HCN4: variants seen among roughly 807,000 people sequenced by gnomAD.
HCN4 encodes the protein potassium/sodium hyperpolarization-activated cyclic nucleotide-gated channel 4.
HCN4 carries 29 observed loss-of-function variants against 76.9 expected under a neutral mutation model. The ratio of observed to expected loss-of-function variants is 0.38; its 90% CI spans 0.28 to 0.51. The LOEUF (loss-of-function observed/expected upper bound fraction) is 0.51, where lower values mean the gene tolerates loss of function less well. HCN4 is among the 20% of genes least tolerant of loss of function. The probability of loss-of-function intolerance (pLI) is 0.90; values close to 1 mark genes in which losing one functional copy is unlikely to be tolerated. For missense variants in HCN4, 1,416 were observed against 1,715.2 expected, an observed-to-expected ratio of 0.83 and a Z score of 3.08; for synonymous variants, 772 against 762.5, an observed-to-expected ratio of 1.01 and a Z score of -0.21.
chr15:73,355,073 A>T lies in HCN4; in HGVS notation c.786-11265T>A, dbSNP rs114199076. Among the ~76,000 whole-genome samples, 257 of 152,314 alleles carry T rather than the reference A, an allele frequency of 1.7e-3. 1 individual carries two copies. The highest frequency in any genetic ancestry group is 0.01 in the Middle Eastern group (3 of 294). On this transcript the variant is annotated intron_variant, in intron 1 of 7. Coordinates refer to ENST00000261917, the MANE Select transcript of HCN4 (RefSeq NM_005477.3). ...TTCAGCCAGGCTTGCTCCAGAAAGG[A>T]GCAGGGGGCAGCATGCCCTGTTGGG...
At position 73,323,728 on chromosome 15, in the gene HCN4, T is replaced by C; in HGVS notation, c.2365A>G (p.Thr789Ala). The change falls in exon 8 of 8, where the codon ACT becomes GCT. Residue 789 changes from threonine to alanine, a missense_variant. This residue lies in a region of HCN4 where 633 missense variants were observed against 579.8 expected (regional missense o/e 1.09). Coordinates refer to ENST00000261917, the MANE Select transcript of HCN4 (RefSeq NM_005477.3). ...QAPLQAAAAT[T>A]SVAIALTHHP... Reference sequence around the variant, plus strand: ...TGGGTGAGGGCTATGGCCACAGAAGTGGTGGCAGCGGCAGCCTGCAGTGGT... The same window carrying C: ...TGGGTGAGGGCTATGGCCACAGAAGCGGTGGCAGCGGCAGCCTGCAGTGGT... 6.2e-7 allele frequency: 1 copy of C among 1,602,138 alleles called. No individual in the cohort carries two copies. Among genetic ancestry groups the C allele is most frequent in the Non-Finnish European group, 8.5e-7 (1 of 1,174,558 alleles).
At position 73,325,302 on chromosome 15, in the gene HCN4, C is replaced by T. The variant is rs765250418; in HGVS notation, c.1733G>A (p.Arg578Gln). 4.3e-6 allele frequency: 7 copies of T among 1,613,568 alleles called. No individual in the cohort carries two copies. Among genetic ancestry groups the T allele is most frequent in the East Asian group, 2.2e-5 (1 of 44,860 alleles). ...CCGGGCCGCCACACAGCTCACCTCC[C>T]GCAGGGGCTCGCTTAGCTCGCCCAG... is the stretch of plus-strand genomic sequence containing the variant. ...SILGELSEPL[R>Q]EEIINFNCRK... Residue 578 changes from arginine (R) to glutamine (Q), a missense_variant, in exon 5 of 8, where the codon CGG (arginine) becomes CAG (glutamine). Transcript: ENST00000261917. This position sits in a 1 kb window ranked among gnomAD's most constrained non-coding sequence, Gnocchi z 7.4.
intron 2 of HCN4, 145 bp from the exon 3 acceptor site, chr15:73,332,437 G>T (rs2042938901): frequency 2.5e-6 from 2 of 808,050 alleles, no homozygotes; most frequent in Non-Finnish European, 4.2e-6. Flanking sequence ...CAGGCTGGGG[G>T]TGGGATGGGA....
intron 1 of HCN4, among the ~76,000 whole-genome samples, chr15:73,348,872 C>T (rs974436772): frequency 2.6e-5 from 4 of 152,248 alleles, no homozygotes; most frequent in Admixed American, 2.6e-4. Flanking sequence ...TTCTTACCTG[C>T]CTGCAAAATG....
intron 1 of HCN4, among the ~76,000 whole-genome samples, chr15:73,352,590 A>G (rs1322372303): frequency 6.6e-6 from 1 of 152,184 alleles, no homozygotes; most frequent in Non-Finnish European, 1.5e-5. Context: ...CCTTGTGGCT[A>G]AAGACTGCCA....
At position 73,328,108 on chromosome 15, in the gene HCN4, C is replaced by T. The variant is rs519946; in HGVS notation, c.1590+1465G>A. ...TGGCTGCCTATGGTTAATTACATCACCACAGAGTGCCGAGTGTGGTGAAGG... is the reference window on the plus strand; with the variant it reads ...TGGCTGCCTATGGTTAATTACATCATCACAGAGTGCCGAGTGTGGTGAAGG... On this transcript the variant is annotated intron_variant, in intron 4 of 7. Transcript: ENST00000261917. This position sits in a 1 kb window ranked among gnomAD's most constrained non-coding sequence, Gnocchi z 4.0. Among the ~76,000 whole-genome samples the T allele has an allele frequency of 0.5, 75,491 of 151,726 alleles. 18,980 individuals carry two copies. Among genetic ancestry groups the T allele is most frequent in the East Asian group, 0.55 (2,784 of 5,084 alleles).
intron 1 of HCN4, among the ~76,000 whole-genome samples, chr15:73,350,497 C>A (rs2043051152): frequency 6.6e-6 from 1 of 152,184 alleles, no homozygotes; most frequent in Non-Finnish European, 1.5e-5. Context: ...GTAAACTTTC[C>A]TGCCCATTCC....
At chr15:73,332,713 G>A (rs981293185) in intron 2 of HCN4, among the ~76,000 whole-genome samples, 6 of 152,246 alleles carry the variant, frequency 3.9e-5, no homozygotes, top group Admixed American at 6.5e-5. Context: ...TGCCAGGGGC[G>A]TGTTTCCCTA....
intron 2 of HCN4, among the ~76,000 whole-genome samples, chr15:73,334,857 C>T (rs1196563223): frequency 1.3e-5 from 2 of 152,130 alleles, no homozygotes; most frequent in Admixed American, 6.5e-5. Flanking sequence ...ACCTTTGTGT[C>T]CCTCTCAAAT....
chr15:73,366,397 G>A (rs1595836785), intron 1 of HCN4, among the ~76,000 whole-genome samples: 1 of 152,178 alleles, frequency 6.6e-6, no homozygotes, highest in African/African-American at 2.4e-5. Context: ...AGGGAGATAA[G>A]TAGGCGGCAG....
intron 2 of HCN4, among the ~76,000 whole-genome samples, chr15:73,332,817 T>A (rs1009171415): frequency 2.0e-5 from 3 of 152,204 alleles, no homozygotes; most frequent in Admixed American, 6.5e-5. Flanking sequence ...CAGGCAGACC[T>A]TGATCCCAAG....
Position 73,323,616 on chromosome 15 carries a change from A to G in HCN4, c.2477T>C (p.Leu826Pro), listed in dbSNP as rs201997521. ...AGGGATCAGGGACTGCAGCCGTTTC[A>G]GGTGCCTTGGCGTCTGCCCGGCACC... ...NLGAGQTPRH[L>P]KRLQSLIPSA... The change falls in exon 8 of 8, where the codon CTG (leucine) becomes CCG (proline). Residue 826 changes from leucine (L) to proline (P), a missense_variant. Transcript: ENST00000261917. 6.2e-7 allele frequency: 1 copy of G among 1,601,098 alleles called. No homozygotes were observed. Among genetic ancestry groups the G allele is most frequent in the Non-Finnish European group, 8.5e-7 (1 of 1,177,976 alleles).
chr15:73,355,634 T>C (rs1045919718), intron 1 of HCN4, among the ~76,000 whole-genome samples: 11 of 152,284 alleles, frequency 7.2e-5, no homozygotes, highest in African/African-American at 2.6e-4. Flanking sequence ...AACAGCACAG[T>C]GAGAACAGGC....
chr15:73,325,566 G>T lies in HCN4; in HGVS notation c.1591-122C>A. ...CCGGGGGATTTCCTGGCTAAACTTGGTTCCTTGAGATCTGAGGTCTACAGT... is the reference window on the plus strand; with the variant it reads ...CCGGGGGATTTCCTGGCTAAACTTGTTTCCTTGAGATCTGAGGTCTACAGT... On this transcript the variant is annotated intron_variant, in intron 4 of 7. Coordinates refer to ENST00000261917, the MANE Select transcript of HCN4 (RefSeq NM_005477.3). This position sits in a 1 kb window ranked among gnomAD's most constrained non-coding sequence, Gnocchi z 7.4. 1 of 1,003,468 alleles carries T rather than the reference G, an allele frequency of 1.0e-6. No individual in the cohort carries two copies. The allele number at this position is 1,003,468 out of a possible 1,614,324, so 62.2% of individuals were successfully genotyped here.
At position 73,323,046 on chromosome 15, in the gene HCN4, G is replaced by A. The variant is rs761909019; in HGVS notation, c.3047C>T (p.Pro1016Leu). ...ACCTCCTCGGGGAGTAAAGCCTACA[G>A]GGGAAGCCCCCCCAGAGGCCCCTGC... Reference protein sequence around the residue: ...LVAGASGGASPVGFTPRGGLS... With the variant: ...LVAGASGGASLVGFTPRGGLS... The change falls in exon 8 of 8, where the codon CCT becomes CTT. Residue 1016 changes from proline (P) to leucine (L), a missense_variant. Pro to Leu is a moderately conservative substitution (Grantham distance 98). Transcript: ENST00000261917. 10 of 1,525,456 alleles carry A rather than the reference G, an allele frequency of 6.6e-6. No homozygotes were observed. In the South Asian group the frequency reaches 1.1e-4, roughly 16 times the overall value. The allele number at this position is 1,525,456 out of a possible 1,614,324, so 94.5% of individuals were successfully genotyped here.
In HCN4 at chr15:73,323,207, T is replaced by TG; in HGVS notation, c.2885dup (p.Pro963ThrfsTer9). 1 of 1,532,828 alleles carries TG rather than the reference T, an allele frequency of 6.5e-7. No homozygotes were observed. The highest frequency in any genetic ancestry group is 8.8e-7 in the Non-Finnish European group (1 of 1,142,034). 95.0% of individuals were successfully genotyped at this position (1,532,828 alleles called of 1,614,324 possible). ...TAGATGACGGGGATCTGGATGAGGG[T>TG]GGGGGTGGCAGGAAGTGCTCCGGGA... On this transcript the variant is annotated frameshift_variant, in exon 8 of 8. Transcript: ENST00000261917. LOFTEE classifies it high-confidence loss of function.
intron 1 of HCN4, among the ~76,000 whole-genome samples, chr15:73,352,156 T>C (rs1381018287): frequency 6.6e-6 from 1 of 152,220 alleles, no homozygotes; most frequent in Non-Finnish European, 1.5e-5. Context: ...CAGTACCTTT[T>C]ATACGGTAGG....
intron 2 of HCN4, among the ~76,000 whole-genome samples, chr15:73,342,849 C>A (rs1008344065): frequency 1.3e-5 from 2 of 152,192 alleles, no homozygotes; most frequent in South Asian, 2.1e-4. Context: ...TCCCACTTGA[C>A]AAAAATTAGC....
chr15:73,341,471 G>T (rs1352219710), intron 2 of HCN4, among the ~76,000 whole-genome samples: 1 of 152,154 alleles, frequency 6.6e-6, no homozygotes, highest in East Asian at 1.9e-4. Flanking sequence ...CAGTTCTTCT[G>T]CACCAGGCTT....
Sources: gnomAD v4.1 joint callset for allele counts (sites outside exome capture counted in the v4.1 genomes callset) on GRCh38, gnomAD v4.1.1 for gene constraint, gnomAD v4.1.1 regional missense constraint, Gnocchi (gnomAD v3.1) non-coding constraint, MANE v1.5 for transcripts, NCBI Gene and HGNC (gene_info 2026-07-23, HGNC 2026-07-21) for gene names.